The following USP15 variants were observed in gnomAD, a reference collection of about 807,000 sequenced individuals.
USP15 encodes the protein ubiquitin carboxyl-terminal hydrolase 15.
A neutral mutation model predicts 127.1 loss-of-function variants in USP15; 18 were observed. That is an observed-to-expected ratio of 0.14 (90% confidence interval 0.10 to 0.21). The LOEUF is 0.21. USP15 is among the 10% of genes least tolerant of loss of function. The pLI, the probability that USP15 is intolerant of heterozygous loss-of-function variation, is 1.00. For synonymous variants in USP15, 364 were observed against 393.7 expected, an observed-to-expected ratio of 0.92 and a Z score of 0.89; for missense variants, 805 against 1,159.9, an observed-to-expected ratio of 0.69 and a Z score of 4.44.
chr12:62,285,431 T>C (rs1385198249), intron 1 of USP15, among the ~76,000 whole-genome samples: 1 of 152,216 alleles, frequency 6.6e-6, no homozygotes, highest in Non-Finnish European at 1.5e-5. Context: ...CTTCCTTCTT[T>C]TTTATGGCTA....
chr12:62,335,653 A>C (rs1043383883), intron 6 of USP15: 4 of 987,638 alleles, frequency 4.1e-6, no homozygotes, highest in Admixed American at 6.1e-5. Flanking sequence ...GAATATAAAC[A>C]CATCTTCATC....
At chr12:62,379,499 T>G (rs180698736) in intron 8 of USP15, among the ~76,000 whole-genome samples, 205 of 152,280 alleles carry the variant, frequency 1.3e-3, no homozygotes, top group African/African-American at 4.7e-3. Context: ...AAATGTTCAG[T>G]TATACCTTTA....
Position 62,294,194 on chromosome 12 carries a change from T to C in USP15, c.105T>C (p.Ser35=). The C allele has an allele frequency of 1.2e-6, 2 of 1,613,284 alleles. No individual in the cohort carries two copies. The highest frequency in any genetic ancestry group is 1.3e-5 in the African/African-American group (1 of 75,024). Residue 35 remains serine, a synonymous_variant, in exon 2 of 22, where the codon AGT becomes AGC. Transcript: ENST00000280377. ...RKGDTWYLVD[S]RWFKQWKKYV... ...TATTTTTTAGGTACCTAGTCGATAGTCGCTGGTTCAAACAGTGGAAAAAAT... is the reference window on the plus strand; with the variant it reads ...TATTTTTTAGGTACCTAGTCGATAGCCGCTGGTTCAAACAGTGGAAAAAAT...
chr12:62,270,659 A>G (rs1317152781), intron 1 of USP15, among the ~76,000 whole-genome samples: 1 of 152,060 alleles, frequency 6.6e-6, no homozygotes, highest in African/African-American at 2.4e-5. Context: ...CCCTGCTTGA[A>G]AATCAATTGA....
intron 6 of USP15, chr12:62,335,105 A>C: frequency 6.7e-7 from 1 of 1,499,806 alleles, no homozygotes; most frequent in Non-Finnish European, 9.0e-7. Context: ...ATTCTAGGTA[A>C]GTGGTTTGAT....
At chr12:62,396,504 T>C in intron 20 of USP15, 106 bp downstream of exon 20, 1 of 966,530 alleles carries the variant, frequency 1.0e-6, no homozygotes, top group Admixed American at 2.0e-5. Flanking sequence ...ATCAGATGTG[T>C]CTTGCATATA....
chr12:62,302,970 C>A, intron 3 of USP15, 50 bp downstream of exon 3: 3 of 1,552,762 alleles, frequency 1.9e-6, no homozygotes, highest in South Asian at 2.4e-5. Context: ...TTGATTAGTT[C>A]ACATTTTATT....
At chr12:62,349,020 AT>A (rs1481692375) in intron 6 of USP15, among the ~76,000 whole-genome samples, 200 bp from the exon 7 acceptor site, 3 of 152,134 alleles carry the variant, frequency 2.0e-5, no homozygotes, top group African/African-American at 7.2e-5. Flanking sequence ...TTATTTGAAA[AT>A]AGTTCCCTTT....
chr12:62,309,906 A>G (rs1338807810), intron 3 of USP15, among the ~76,000 whole-genome samples: 1 of 152,010 alleles, frequency 6.6e-6, no homozygotes, highest in African/African-American at 2.4e-5. Context: ...TATTGGTAAA[A>G]TATTAAAAGT....
intron 1 of USP15, among the ~76,000 whole-genome samples, chr12:62,260,781 C>T (rs1209136799): frequency 6.6e-6 from 1 of 152,104 alleles, no homozygotes; most frequent in Non-Finnish European, 1.5e-5. Context: ...TCCTTCCTTC[C>T]GTAGTGCCGC....
intron 8 of USP15, among the ~76,000 whole-genome samples, chr12:62,363,481 A>AAT (rs1468914314): frequency 5.3e-5 from 8 of 152,010 alleles, no homozygotes; most frequent in South Asian, 4.2e-4. Flanking sequence ...TCTTCCTCTA[A>AAT]ATATATATAT....
chr12:62,372,633 A>G (rs2137532100), intron 8 of USP15, among the ~76,000 whole-genome samples: 1 of 152,214 alleles, frequency 6.6e-6, no homozygotes, highest in South Asian at 2.1e-4. Flanking sequence ...TTTATTCAAA[A>G]TTGTTTCTTT....
At chr12:62,285,036 A>G (rs547325640) in intron 1 of USP15, among the ~76,000 whole-genome samples, 4 of 152,204 alleles carry the variant, frequency 2.6e-5, no homozygotes, top group African/African-American at 7.2e-5. Flanking sequence ...ACAGTCAGAG[A>G]TAGTATTGTT....
chr12:62,283,236 A>G (rs2063700260), intron 1 of USP15, among the ~76,000 whole-genome samples: 1 of 152,220 alleles, frequency 6.6e-6, no homozygotes, highest in South Asian at 2.1e-4. Flanking sequence ...AGAGTACAGG[A>G]GAAAAAGCTT....
At chr12:62,271,540 A>C (rs2063344992) in intron 1 of USP15, among the ~76,000 whole-genome samples, 1 of 151,928 alleles carries the variant, frequency 6.6e-6, no homozygotes, top group African/African-American at 2.4e-5. Flanking sequence ...AGGAAGTCCC[A>C]ATTTTTCTTA....
In USP15 at chr12:62,411,640, G is replaced by C. The variant is rs564198699; in HGVS notation, c.*7265G>C. On this transcript the variant is annotated 3_prime_UTR_variant, in exon 22 of 22. Transcript: ENST00000280377. ...AGAGGTTATGGCTTTTATGTGTTTGGATACTGTCATAGTCTGCTCAGGCTG... is the reference window on the plus strand; with the variant it reads ...AGAGGTTATGGCTTTTATGTGTTTGCATACTGTCATAGTCTGCTCAGGCTG... The C allele has an allele frequency of 6.6e-6, 1 of 152,126 alleles. No homozygotes were observed. Among genetic ancestry groups the C allele is most frequent in the Non-Finnish European group, 1.5e-5 (1 of 68,044 alleles). The allele number at this position is 152,126 out of a possible 1,614,324, so 9.4% of individuals were successfully genotyped here.
intron 7 of USP15, among the ~76,000 whole-genome samples, chr12:62,350,042 G>A (rs998208829): frequency 5.9e-5 from 9 of 151,294 alleles, no homozygotes; most frequent in African/African-American, 1.9e-4. Flanking sequence ...CATGTATAGT[G>A]CCTTTTATGG....
chr12:62,357,823 T>G (rs1458838591), intron 8 of USP15, among the ~76,000 whole-genome samples: 1 of 152,080 alleles, frequency 6.6e-6, no homozygotes, highest in Admixed American at 6.6e-5. Context: ...AGCTGAAAAT[T>G]GACTGTAAGA....
chr12:62,366,664 C>T (rs1471984027), intron 8 of USP15, among the ~76,000 whole-genome samples: 1 of 152,134 alleles, frequency 6.6e-6, no homozygotes. Flanking sequence ...TTTGCCCATT[C>T]AGTATGATAT....
Sources: allele counts gnomAD v4.1 joint callset (sites outside exome capture counted in the v4.1 genomes callset), GRCh38; gene constraint gnomAD v4.1.1; transcripts MANE v1.5; gene names NCBI Gene and HGNC (gene_info 2026-07-23, HGNC 2026-07-21).